The following RFX5 variants were observed in gnomAD, a reference collection of about 807,000 sequenced individuals.
RFX5 encodes the protein DNA-binding protein RFX5.
A neutral mutation model predicts 41.2 loss-of-function variants in RFX5; 30 were observed. That is an observed-to-expected ratio of 0.73 (90% confidence interval 0.54 to 0.99). The LOEUF is 0.99. Ranked by LOEUF, RFX5 falls within the 50% of genes least tolerant of loss-of-function variation. The probability of loss-of-function intolerance (pLI) is 0.00; values close to 1 mark genes in which losing one functional copy is unlikely to be tolerated. For synonymous variants in RFX5, 231 were observed against 291.8 expected, an observed-to-expected ratio of 0.79 and a Z score of 2.12; for missense variants, 715 against 773.6, an observed-to-expected ratio of 0.92 and a Z score of 0.90.
rs761522836 is a variant in RFX5 at position 151,342,650 on chromosome 1, T to C, written c.1387A>G (p.Lys463Glu). ...TTTCGAGGGCGCCCCCGTTTCCTTT[T>C]GGCATCACTTGCTGTATCCTCTATA... ...QDIEDTASDA[K>E]RKRGRPRKKS... Residue 463 changes from lysine to glutamate, a missense_variant, in exon 11 of 11, where the codon AAA (lysine) becomes GAA (glutamate). Physicochemically the swap from Lys to Glu is moderately conservative, Grantham distance 56 (BLOSUM62 1). Transcript: ENST00000452671. The C allele has an allele frequency of 1.9e-6, 3 of 1,614,118 alleles. No individual in the cohort carries two copies. Among genetic ancestry groups the C allele is most frequent in the African/African-American group, 1.3e-5 (1 of 74,940 alleles).
chr1:151,345,942 C>T lies in RFX5; in HGVS notation c.136G>A (p.Val46Ile). The T allele has an allele frequency of 2.5e-6, 4 of 1,614,196 alleles. No homozygotes were observed. The highest frequency in any genetic ancestry group is 3.4e-6 in the Non-Finnish European group (4 of 1,180,032). ...GTISKAVQNKVEGILQDVQKF... is the reference protein window; with the variant it reads ...GTISKAVQNKIEGILQDVQKF... ...AACACACTTACCAGGATCCCCTCTACTTTGTTCTGCACGGCCTTGCTGTGG... is the reference window on the plus strand; with the variant it reads ...AACACACTTACCAGGATCCCCTCTATTTTGTTCTGCACGGCCTTGCTGTGG... Residue 46 changes from valine to isoleucine, a missense_variant, in exon 4 of 11, where the codon GTA becomes ATA. Coordinates refer to ENST00000452671, the MANE Select transcript of RFX5 (RefSeq NM_001025603.2).
At position 151,342,346 on chromosome 1, in the gene RFX5, T is replaced by C; in HGVS notation, c.1691A>G (p.Lys564Arg). 6.2e-7 allele frequency: 1 copy of C among 1,614,182 alleles called. No individual in the cohort carries two copies. The highest frequency in any genetic ancestry group is 8.5e-7 in the Non-Finnish European group (1 of 1,180,030). Residue 564 changes from lysine (K) to arginine (R), a missense_variant, in exon 11 of 11, where the codon AAA (lysine) becomes AGA (arginine). Transcript: ENST00000452671. ...AEDKIPLVPS[K>R]VSVIKGSRSQ... The stretch of plus-strand genomic sequence containing the variant: ...TCTGCTGCCCTTGATGACACTCACT[T>C]TTGAGGGGACCAAGGGAATTTTATC...
chr1:151,344,925 T>G, intron 5 of RFX5, 78 bp from the exon 6 acceptor site: 1 of 1,612,382 alleles, frequency 6.2e-7, no homozygotes, highest in African/African-American at 1.3e-5. Context: ...ACTTCAGTAG[T>G]GCTGGACCAA....
rs1312087455 is a variant in RFX5, at chr1:151,343,410, A to G, written c.790T>C (p.Ser264Pro). The G allele has an allele frequency of 6.2e-7, 1 of 1,614,004 alleles. No homozygotes were observed. Among genetic ancestry groups the G allele is most frequent in the Non-Finnish European group, 8.5e-7 (1 of 1,180,034 alleles). The change falls in exon 10 of 11, where the codon TCT becomes CCT. Residue 264 changes from serine to proline, a missense_variant. Coordinates refer to ENST00000452671, the MANE Select transcript of RFX5 (RefSeq NM_001025603.2). ...TTCTCTAAACCATTCTTTGGTTTAG[A>G]TGACCGTTCCCGAGGTGCATGTTCG... is the stretch of plus-strand genomic sequence containing the variant. ...EDEHAPRERS[S>P]KPKNGLENPE...
chr1:151,346,550 C>G lies in RFX5; in HGVS notation c.-75G>C. ...CAGGCCCATATATGCCCAAAGAGAT[C>G]TTTGCCATCTCCATTCTATCTGCCC... On this transcript the variant is annotated 5_prime_UTR_variant, in exon 2 of 11. Coordinates refer to ENST00000452671, the MANE Select transcript of RFX5 (RefSeq NM_001025603.2). 1.9e-6 allele frequency: 1 copy of G among 525,170 alleles called. No homozygotes were observed. Among genetic ancestry groups the G allele is most frequent in the Non-Finnish European group, 3.4e-6 (1 of 289,958 alleles). The allele number at this position is 525,170 out of a possible 1,614,324, so 32.5% of individuals were successfully genotyped here.
Position 151,343,798 on chromosome 1 carries a change from G to A in RFX5, c.640C>T (p.Arg214Trp), listed in dbSNP as rs1557832644. 2 of 1,614,118 alleles carry A rather than the reference G, an allele frequency of 1.2e-6. No individual in the cohort carries two copies. The highest frequency in any genetic ancestry group is 1.1e-5 in the South Asian group (1 of 91,078). ...ACALTCDWAE[R>W]ILKRSFSSIV... ...GAACTGAAGGACCGTTTCAGGATCCGCTCTGCCCAGTCACAGGTCAGGGCA... is the reference window on the plus strand; with the variant it reads ...GAACTGAAGGACCGTTTCAGGATCCACTCTGCCCAGTCACAGGTCAGGGCA... Residue 214 changes from arginine (R) to tryptophan (W), a missense_variant, in exon 9 of 11, where the codon CGG becomes TGG. Transcript: ENST00000452671.
In RFX5 at chr1:151,344,411, G is replaced by C. The variant is rs1650805549; in HGVS notation, c.473+6C>G. ...CTCCACCCCCAACCTCTCTAGTCAA[G>C]GATACTTGGACTGGCCCCGGCCACC... On this transcript the variant is annotated splice_donor_region_variant and intron_variant, in intron 7 of 10. Transcript: ENST00000452671. The C allele has an allele frequency of 1.9e-6, 3 of 1,614,158 alleles. No individual in the cohort carries two copies. The highest frequency in any genetic ancestry group is 8.5e-7 in the Non-Finnish European group (1 of 1,180,034).
In RFX5 at chr1:151,342,425, T is replaced by G; in HGVS notation, c.1612A>C (p.Thr538Pro). Residue 538 changes from threonine to proline, a missense_variant, in exon 11 of 11, where the codon ACT becomes CCT. Transcript: ENST00000452671. ...GGGCCCCTTCCTCCTTTGGAAACAG[T>G]ACCATCTCCCTGACCCTGGGCAAGT... ...AVLAQGQGDG[T>P]VSKGGRGPGS... 1 of 1,614,122 alleles carries G rather than the reference T, an allele frequency of 6.2e-7. No individual in the cohort carries two copies. The highest frequency in any genetic ancestry group is 8.5e-7 in the Non-Finnish European group (1 of 1,180,024).
Position 151,344,796 on chromosome 1 carries a change from C to A in RFX5, c.285G>T (p.Trp95Cys). Residue 95 changes from tryptophan to cysteine, a missense_variant, in exon 6 of 11, where the codon TGG becomes TGT. Coordinates refer to ENST00000452671, the MANE Select transcript of RFX5 (RefSeq NM_001025603.2). ...TGTGCTCTTCCAGGTGGTTGCGGAT[C>A]CACCTATAGGCATACATGTACTCCT... ...SNEEYMYAYR[W>C]IRNHLEEHTD... 2 of 1,601,522 alleles carry A rather than the reference C, an allele frequency of 1.2e-6. No homozygotes were observed. The highest frequency in any genetic ancestry group is 1.7e-6 in the Non-Finnish European group (2 of 1,172,562).
rs766518200 is a variant in RFX5 at position 151,346,356 on chromosome 1, T to A, written c.-13-23A>T. Reference sequence around the variant, plus strand: ...GGGCTAGAATTGAGAGGGACAGGCATAAAGATGTAACTCACACTGGCCTTC... The same window carrying A: ...GGGCTAGAATTGAGAGGGACAGGCAAAAAGATGTAACTCACACTGGCCTTC... On this transcript the variant is annotated intron_variant, in intron 2 of 10. Transcript: ENST00000452671. 3.1e-6 allele frequency: 5 copies of A among 1,591,646 alleles called. No individual in the cohort carries two copies. In the South Asian group the frequency reaches 5.5e-5, roughly 18 times the overall value.
chr1:151,344,939 T>G (rs1650874253), intron 5 of RFX5, 92 bp from the exon 6 acceptor site: 1 of 1,608,398 alleles, frequency 6.2e-7, no homozygotes, highest in Non-Finnish European at 8.5e-7. Context: ...GGACCAAATT[T>G]AGTTCACCCA....
intron 9 of RFX5, 32 bp downstream of exon 9, chr1:151,343,649 G>T (rs1233092312): frequency 1.2e-6 from 2 of 1,606,532 alleles, no homozygotes; most frequent in East Asian, 2.2e-5. Context: ...AGTGGCTCAG[G>T]GTTGCTGAGA....
In RFX5 at chr1:151,343,767, A is replaced by T. The variant is rs749054157; in HGVS notation, c.671T>A (p.Val224Asp). The T allele has an allele frequency of 1.2e-6, 2 of 1,614,034 alleles. No homozygotes were observed. Among genetic ancestry groups the T allele is most frequent in the Non-Finnish European group, 1.7e-6 (2 of 1,180,052 alleles). Residue 224 changes from valine (V) to aspartate (D), a missense_variant, in exon 9 of 11, where the codon GTT becomes GAT. Val to Asp is a radical substitution (Grantham distance 152). Coordinates refer to ENST00000452671, the MANE Select transcript of RFX5 (RefSeq NM_001025603.2). Reference sequence around the variant, plus strand: ...CTGTAGCAGGAAGCGGGCGACCTCAACGATGGAACTGAAGGACCGTTTCAG... The same window carrying T: ...CTGTAGCAGGAAGCGGGCGACCTCATCGATGGAACTGAAGGACCGTTTCAG... ...RILKRSFSSI[V>D]EVARFLLQQH...
intron 3 of RFX5, 102 bp from the exon 4 acceptor site, chr1:151,346,063 T>C: frequency 6.3e-7 from 1 of 1,597,522 alleles, no homozygotes; most frequent in Admixed American, 1.7e-5. Context: ...CAGCAGGTGC[T>C]CAAGAATTGC....
In RFX5 at chr1:151,342,566, C is replaced by A. The variant is rs768152425; in HGVS notation, c.1471G>T (p.Glu491Ter). ...GGTAACCTTGAGGACTGGGCAGATT[C>A]CATGGCAGCTGCTGACTTGAGAGGG... ...STPLKSAAAMESAQSSRLPWE... is the reference protein window; with the variant it reads ...STPLKSAAAM The change falls in exon 11 of 11, where the codon GAA becomes TAA. Residue 491 changes from glutamate to a stop codon, truncating the protein, a stop_gained. Coordinates refer to ENST00000452671, the MANE Select transcript of RFX5 (RefSeq NM_001025603.2). LOFTEE classifies it low-confidence loss of function (END_TRUNC). The A allele has an allele frequency of 6.2e-7, 1 of 1,614,188 alleles. No individual in the cohort carries two copies. The highest frequency in any genetic ancestry group is 1.1e-5 in the South Asian group (1 of 91,086).
Position 151,341,417 on chromosome 1 carries a change from G to C in RFX5, c.*769C>G, listed in dbSNP as rs937954782. On this transcript the variant is annotated 3_prime_UTR_variant, in exon 11 of 11. Transcript: ENST00000452671. The stretch of plus-strand genomic sequence containing the variant: ...TTAGCGGCCACCCAAGCAACTCCCT[G>C]CTCCTAGTTTCCACTTGGGGAATCC... 2.6e-5 allele frequency: 4 copies of C among 153,154 alleles called. No homozygotes were observed. The highest frequency in any genetic ancestry group is 9.7e-5 in the African/African-American group (4 of 41,434). 9.5% of individuals were successfully genotyped at this position (153,154 alleles called of 1,614,324 possible). A position where few individuals can be genotyped will look rare whatever the true frequency, so the allele number is the denominator to read the frequency against.
intron 6 of RFX5, 74 bp downstream of exon 6, chr1:151,344,654 C>CAGGA: frequency 6.4e-7 from 1 of 1,571,204 alleles, no homozygotes; most frequent in Non-Finnish European, 8.6e-7. Context: ...TTTATCAAGG[C>CAGGA]AGGAAGCTCT....
Position 151,343,803 on chromosome 1 carries a change from G to A in RFX5, c.635C>T (p.Ala212Val), listed in dbSNP as rs940480924. ...GAAGGACCGTTTCAGGATCCGCTCT[G>A]CCCAGTCACAGGTCAGGGCACACGC... is the stretch of plus-strand genomic sequence containing the variant. ...EAACALTCDWAERILKRSFSS... is the reference protein window; with the variant it reads ...EAACALTCDWVERILKRSFSS... The change falls in exon 9 of 11, where the codon GCA becomes GTA. Residue 212 changes from alanine (A) to valine (V), a missense_variant. By Grantham distance (64) the Ala-to-Val change is moderately conservative (BLOSUM62 0). Coordinates refer to ENST00000452671, the MANE Select transcript of RFX5 (RefSeq NM_001025603.2). 6.2e-7 allele frequency: 1 copy of A among 1,614,144 alleles called. No homozygotes were observed. The highest frequency in any genetic ancestry group is 8.5e-7 in the Non-Finnish European group (1 of 1,180,036).
Position 151,346,279 on chromosome 1 carries a change from C to T in RFX5, c.42G>A (p.Gly14=). 6.2e-7 allele frequency: 1 copy of T among 1,614,178 alleles called. No individual in the cohort carries two copies. The highest frequency in any genetic ancestry group is 8.5e-7 in the Non-Finnish European group (1 of 1,180,030). The change falls in exon 3 of 11, where the codon GGG becomes GGA. Residue 14 remains glycine, a synonymous_variant. Transcript: ENST00000452671. The part of the protein sequence containing the change: ...DEPDAKSPKT[G]GRAPPGGAEA... Reference sequence around the variant, plus strand: ...CAGCACCACCTGGGGGGGCCCTTCCCCCAGTCTTGGGGCTCTTAGCATCAG... The same window carrying T: ...CAGCACCACCTGGGGGGGCCCTTCCTCCAGTCTTGGGGCTCTTAGCATCAG...
Sources: gnomAD v4.1 joint callset for allele counts on GRCh38, gnomAD v4.1.1 for gene constraint, MANE v1.5 for transcripts, NCBI Gene and HGNC (gene_info 2026-07-23, HGNC 2026-07-21) for gene names.